SEC11A: variants seen among roughly 807,000 people sequenced by gnomAD.
The protein encoded by SEC11A is SEC11 homolog A, signal peptidase complex subunit.
Under a neutral mutation model 25.6 loss-of-function variants are expected in SEC11A, and 14 were observed. The ratio of observed to expected loss-of-function variants is 0.55; its 90% CI spans 0.36 to 0.85. SEC11A has a LOEUF of 0.85. SEC11A is among the 40% of genes least tolerant of loss of function. SEC11A has a pLI of 0.01. For missense variants in SEC11A, 153 were observed against 222.9 expected, an observed-to-expected ratio of 0.69 and a Z score of 2.00; for synonymous variants, 83 against 76.4, an observed-to-expected ratio of 1.09 and a Z score of -0.45.
chr15:84,699,687 G>A (rs1300145921), intron 1 of SEC11A, among the ~76,000 whole-genome samples: 8 of 152,118 alleles, frequency 5.3e-5, no homozygotes, highest in Admixed American at 5.2e-4. Flanking sequence ...CTCTTAGGGA[G>A]GCAGAGGCAG....
chr15:84,708,353 G>A (rs1208146557), intron 1 of SEC11A, among the ~76,000 whole-genome samples: 1 of 151,160 alleles, frequency 6.6e-6, no homozygotes, highest in African/African-American at 2.4e-5. Flanking sequence ...ATTAATAAAT[G>A]TTGATACCCT....
intron 1 of SEC11A, among the ~76,000 whole-genome samples, chr15:84,701,469 T>C (rs1268453409): frequency 6.6e-6 from 1 of 150,474 alleles, no homozygotes; most frequent in African/African-American, 2.4e-5. Flanking sequence ...ACAGGCATAA[T>C]AGATACTTAT....
chr15:84,696,480 G>T (rs2141903943), intron 1 of SEC11A, among the ~76,000 whole-genome samples: 1 of 152,252 alleles, frequency 6.6e-6, no homozygotes, highest in Non-Finnish European at 1.5e-5. Context: ...CTACAGTACT[G>T]GTTAGGACAA....
At chr15:84,681,609 G>A (rs564204665) in intron 3 of SEC11A, among the ~76,000 whole-genome samples, 6 of 152,196 alleles carry the variant, frequency 3.9e-5, no homozygotes, top group South Asian at 4.1e-4. Flanking sequence ...AAGCCTGGGC[G>A]ACAGAGCGAG....
At chr15:84,693,672 A>T (rs977879716) in intron 1 of SEC11A, among the ~76,000 whole-genome samples, 5 of 151,684 alleles carry the variant, frequency 3.3e-5, no homozygotes, top group Admixed American at 6.6e-5. Flanking sequence ...TGCTGGCCAG[A>T]CTGGTCTCAA....
chr15:84,714,202 GA>G (rs1382018149), intron 1 of SEC11A, among the ~76,000 whole-genome samples: 1 of 152,042 alleles, frequency 6.6e-6, no homozygotes, highest in African/African-American at 2.4e-5. Context: ...TTTTAGTAGA[GA>G]GGGGGTTTCA....
intron 1 of SEC11A, among the ~76,000 whole-genome samples, chr15:84,707,295 C>T (rs1898124900): frequency 6.7e-6 from 1 of 150,220 alleles, no homozygotes; most frequent in Non-Finnish European, 1.5e-5. Flanking sequence ...AAGCAATTCT[C>T]CTGCCTCAGC....
chr15:84,687,867 T>C (rs1897476586), intron 2 of SEC11A, 93 bp from the exon 3 acceptor site: 1 of 1,067,858 alleles, frequency 9.4e-7, no homozygotes, highest in Admixed American at 3.1e-5. Flanking sequence ...AAAATATCAC[T>C]TTGGGAGTAT....
intron 2 of SEC11A, among the ~76,000 whole-genome samples, chr15:84,689,696 C>A (rs1897545663): frequency 6.6e-6 from 1 of 151,332 alleles, no homozygotes; most frequent in African/African-American, 2.4e-5. Context: ...CAATCTCCGC[C>A]TCCTAGGTTC....
chr15:84,711,384 A>T (rs1282204979), intron 1 of SEC11A, among the ~76,000 whole-genome samples: 1 of 152,048 alleles, frequency 6.6e-6, no homozygotes, highest in Non-Finnish European at 1.5e-5. Flanking sequence ...CCTGTCTCAA[A>T]ACAAACAAAC....
chr15:84,682,220 C>CA lies in SEC11A; in HGVS notation c.312-1389dup, dbSNP rs576922485. Among the ~76,000 whole-genome samples the CA allele has an allele frequency of 1.0e-4, 15 of 150,044 alleles. No homozygotes were observed. In the East Asian group the frequency reaches 2.7e-3, roughly 27 times the overall value. On this transcript the variant is annotated intron_variant, in intron 3 of 5. Coordinates refer to ENST00000268220, the MANE Select transcript of SEC11A (RefSeq NM_014300.4). ...ACTCCCCAAATTCAGAAAATAAAAG[C>CA]AAAAAAAAGGTATTAGACAAGATCT...
chr15:84,704,974 G>A (rs934838699), intron 1 of SEC11A, among the ~76,000 whole-genome samples: 1 of 151,800 alleles, frequency 6.6e-6, no homozygotes, highest in Non-Finnish European at 1.5e-5. Flanking sequence ...GCCCAGGCTG[G>A]AGTACAGTAG....
chr15:84,694,310 G>A (rs1314855324), intron 1 of SEC11A, among the ~76,000 whole-genome samples: 1 of 151,342 alleles, frequency 6.6e-6, no homozygotes. Flanking sequence ...AGCTGAGATC[G>A]CACCACTGCA....
intron 1 of SEC11A, among the ~76,000 whole-genome samples, chr15:84,702,077 TA>T (rs1263843193): frequency 6.7e-6 from 1 of 150,132 alleles, no homozygotes; most frequent in Non-Finnish European, 1.5e-5. Context: ...ATAACAATGA[TA>T]ATAATAATAA....
chr15:84,680,582 A>G, intron 4 of SEC11A, 131 bp downstream of exon 4: 1 of 949,708 alleles, frequency 1.1e-6, no homozygotes, highest in Non-Finnish European at 1.4e-6. Context: ...AAATTTTCAA[A>G]GGACACAAGG....
rs145336730 is a variant in SEC11A at position 84,684,869 on chromosome 15, T to G, written c.311+2756A>C. Among the ~76,000 whole-genome samples the G allele has an allele frequency of 5.7e-3, 874 of 152,140 alleles. 3 individuals carry two copies. The highest frequency in any genetic ancestry group is 0.02 in the African/African-American group (810 of 41,492). On this transcript the variant is annotated intron_variant, in intron 3 of 5. Transcript: ENST00000268220. ...ATTGCTTGAACCCAGAAGGCAGAGG[T>G]TGCAGTGAGCCAAACTCGCACCATG...
At chr15:84,678,824 C>T (rs1897208629) in intron 4 of SEC11A, among the ~76,000 whole-genome samples, 1 of 151,984 alleles carries the variant, frequency 6.6e-6, no homozygotes, top group Non-Finnish European at 1.5e-5. Flanking sequence ...GAGACCCCAT[C>T]TCTACTAAAA....
At chr15:84,679,959 C>A in intron 4 of SEC11A, 1 of 1,529,956 alleles carries the variant, frequency 6.5e-7, no homozygotes, top group South Asian at 1.2e-5. Context: ...GAACTGTTCT[C>A]CTGATAAAAT....
intron 3 of SEC11A, among the ~76,000 whole-genome samples, chr15:84,684,723 G>A (rs971162755): frequency 7.2e-5 from 11 of 152,076 alleles, no homozygotes; most frequent in Middle Eastern, 3.2e-3. Context: ...TTTGAGGTCC[G>A]GAGTTCAAGA....
Sources: allele counts gnomAD v4.1 joint callset (sites outside exome capture counted in the v4.1 genomes callset), GRCh38; gene constraint gnomAD v4.1.1; transcripts MANE v1.5; gene names NCBI Gene and HGNC (gene_info 2026-07-23, HGNC 2026-07-21).